The following CFAP58 variants were observed in gnomAD, a reference collection of about 807,000 sequenced individuals.
The protein encoded by CFAP58 is cilia- and flagella-associated protein 58.
Under a neutral mutation model 119.5 loss-of-function variants are expected in CFAP58, and 88 were observed. The observed-to-expected ratio is 0.74, with a 90% CI of 0.62 to 0.88. CFAP58 has a LOEUF of 0.88. Among genes scored for constraint, CFAP58 ranks in the 40% least tolerant of loss-of-function variants. CFAP58 has a pLI of 0.00. For missense variants in CFAP58, 990 were observed against 1,021.2 expected, an observed-to-expected ratio of 0.97 and a Z score of 0.42; for synonymous variants, 365 against 366.3, an observed-to-expected ratio of 1.00 and a Z score of 0.04.
At chr10:104,425,338 G>T (rs149681010) in intron 15 of CFAP58, among the ~76,000 whole-genome samples, 1 of 152,330 alleles carries the variant, frequency 6.6e-6, no homozygotes, top group Non-Finnish European at 1.5e-5. Context: ...TGGGGATGTG[G>T]TTGAGTAGCA....
chr10:104,436,739 C>T (rs540190523), intron 15 of CFAP58, among the ~76,000 whole-genome samples: 41 of 152,252 alleles, frequency 2.7e-4, no homozygotes, highest in African/African-American at 9.1e-4. Flanking sequence ...GGACAAATAT[C>T]GAAACTATAT....
Position 104,450,113 on chromosome 10 carries a change from G to A in CFAP58, c.2419G>A (p.Glu807Lys). Residue 807 changes from glutamate to lysine, a missense_variant, in exon 17 of 18, where the codon GAA (glutamate) becomes AAA (lysine). Physicochemically the swap from Glu to Lys is moderately conservative, Grantham distance 56 (BLOSUM62 1). Transcript: ENST00000369704. ...GAATATGTATGAAGTACAGAGCAAA[G>A]AATATAAATATGAGGTAGAGAAACT... ...ELNMYEVQSK[E>K]YKYEVEKLTN... The A allele has an allele frequency of 6.2e-7, 1 of 1,612,772 alleles. No homozygotes were observed. The highest frequency in any genetic ancestry group is 8.5e-7 in the Non-Finnish European group (1 of 1,179,308).
chr10:104,414,379 G>T (rs1387430032), intron 15 of CFAP58, among the ~76,000 whole-genome samples: 2 of 152,126 alleles, frequency 1.3e-5, no homozygotes, highest in Non-Finnish European at 2.9e-5. Context: ...CCACACAGTC[G>T]GCTTTACTAG....
Position 104,454,656 on chromosome 10 carries a change from G to C in CFAP58, c.*126G>C. ...AGAATCCAGGATGGAAAGAAATGCAGAACTATCATAGTCACATACATATAA... is the reference window on the plus strand; with the variant it reads ...AGAATCCAGGATGGAAAGAAATGCACAACTATCATAGTCACATACATATAA... On this transcript the variant is annotated 3_prime_UTR_variant, in exon 18 of 18. Transcript: ENST00000369704. The C allele has an allele frequency of 1.4e-6, 1 of 696,670 alleles. No individual in the cohort carries two copies. Among genetic ancestry groups the C allele is most frequent in the East Asian group, 2.6e-5 (1 of 37,808 alleles). The allele number at this position is 696,670 out of a possible 1,614,324, so 43.2% of individuals were successfully genotyped here.
At chr10:104,412,139 T>C (rs1055699186) in intron 15 of CFAP58, among the ~76,000 whole-genome samples, 2 of 152,190 alleles carry the variant, frequency 1.3e-5, no homozygotes, top group African/African-American at 4.8e-5. Flanking sequence ...TCTAATGCTT[T>C]GTGGACATTA....
intron 15 of CFAP58, among the ~76,000 whole-genome samples, chr10:104,435,436 T>G (rs2012917590): frequency 6.6e-6 from 1 of 152,160 alleles, no homozygotes; most frequent in South Asian, 2.1e-4. Flanking sequence ...GAGCCAAGAT[T>G]GTGCCACAGC....
At chr10:104,377,321 G>A (rs941508309) in intron 8 of CFAP58, among the ~76,000 whole-genome samples, 1 of 152,170 alleles carries the variant, frequency 6.6e-6, no homozygotes, top group African/African-American at 2.4e-5. Flanking sequence ...GCAGGTCTAA[G>A]CTTTCCTCCA....
intron 15 of CFAP58, among the ~76,000 whole-genome samples, chr10:104,419,558 T>C (rs1043039554): frequency 6.6e-6 from 1 of 151,970 alleles, no homozygotes; most frequent in Non-Finnish European, 1.5e-5. Flanking sequence ...CTTTTATCTG[T>C]GTCCTTTTTT....
intron 2 of CFAP58, among the ~76,000 whole-genome samples, chr10:104,359,970 G>A (rs566021126): frequency 5.9e-5 from 9 of 152,236 alleles, no homozygotes; most frequent in Non-Finnish European, 1.0e-4. Context: ...AGCACATATG[G>A]TTGCTACATA....
At chr10:104,353,804 C>T, upstream of CFAP58, 1 of 1,479,682 alleles carries the variant, frequency 6.8e-7, no homozygotes, top group Non-Finnish European at 9.2e-7. Context: ...GCGATAGAGA[C>T]AGCGCGTCGC....
At chr10:104,358,006 TAC>T (rs968091469) in intron 1 of CFAP58, among the ~76,000 whole-genome samples, 15 of 133,358 alleles carry the variant, frequency 1.1e-4, no homozygotes, top group South Asian at 1.1e-3. Flanking sequence ...TACACATATA[TAC>T]ACATATATGT....
chr10:104,442,460 C>A (rs1416491203), intron 15 of CFAP58, among the ~76,000 whole-genome samples: 1 of 151,898 alleles, frequency 6.6e-6, no homozygotes, highest in Admixed American at 6.6e-5. Flanking sequence ...TGGTGGCATG[C>A]CTCTGTAATC....
At chr10:104,365,023 T>G (rs2014723794) in intron 4 of CFAP58, 134 bp downstream of exon 4, 1 of 846,636 alleles carries the variant, frequency 1.2e-6, no homozygotes, top group Non-Finnish European at 1.8e-6. Context: ...CAGTTCTGCT[T>G]GTTTCTTTAG....
rs761648815 is a variant in CFAP58, at chr10:104,406,696, AC to A, written c.2163del (p.Asn722MetfsTer5). ...GTTGTTCCCCTTGGACAGGCCAGCG[AC>A]CCCAATGCATATGAGCTGATACAGA... ...VHRWRKLEAS[D>X]PNAYELIQKI... On this transcript the variant is annotated frameshift_variant, in exon 15 of 18. Coordinates refer to ENST00000369704, the MANE Select transcript of CFAP58 (RefSeq NM_001008723.2). LOFTEE classifies it high-confidence loss of function. The A allele has an allele frequency of 1.2e-6, 2 of 1,614,038 alleles. No individual in the cohort carries two copies. Among genetic ancestry groups the A allele is most frequent in the African/African-American group, 1.3e-5 (1 of 75,002 alleles).
intron 8 of CFAP58, among the ~76,000 whole-genome samples, chr10:104,378,419 C>T (rs145842488): frequency 6.6e-6 from 1 of 152,234 alleles, no homozygotes; most frequent in African/African-American, 2.4e-5. Flanking sequence ...AGGCCTTTTA[C>T]CTGAGTATTG....
the CFAP58 span, among the ~76,000 whole-genome samples, chr10:104,342,601 G>T: frequency 6.6e-6 from 1 of 151,370 alleles, no homozygotes; most frequent in African/African-American, 2.4e-5. Context: ...GGGAGGCCAA[G>T]GTGGGCAGAT....
chr10:104,435,697 A>C (rs1235996594), intron 15 of CFAP58, among the ~76,000 whole-genome samples: 1 of 152,104 alleles, frequency 6.6e-6, no homozygotes, highest in Non-Finnish European at 1.5e-5. Flanking sequence ...CATTCTCCAG[A>C]GCATATTCTT....
At chr10:104,397,291 A>G (rs1378679362) in intron 11 of CFAP58, among the ~76,000 whole-genome samples, 1 of 152,210 alleles carries the variant, frequency 6.6e-6, no homozygotes, top group Non-Finnish European at 1.5e-5. Flanking sequence ...CCAAGTGGTA[A>G]ATACTAGATG....
At chr10:104,404,848 C>T (rs1438658408) in intron 14 of CFAP58, among the ~76,000 whole-genome samples, 4 of 152,228 alleles carry the variant, frequency 2.6e-5, no homozygotes, top group East Asian at 1.9e-4. Flanking sequence ...CCGCCCACCT[C>T]AGCCTCCCAA....
Sources: allele counts gnomAD v4.1 joint callset (sites outside exome capture counted in the v4.1 genomes callset), GRCh38; gene constraint gnomAD v4.1.1; transcripts MANE v1.5; gene names NCBI Gene and HGNC (gene_info 2026-07-23, HGNC 2026-07-21).